The following KLHL24 variants were observed in gnomAD, a reference collection of about 807,000 sequenced individuals.
KLHL24 encodes kelch like family member 24, also known as kelch-like protein 24.
A neutral mutation model predicts 53.4 loss-of-function variants in KLHL24; 29 were observed. That is an observed-to-expected ratio of 0.54 (90% CI 0.40 to 0.74). The LOEUF is 0.74. Ranked by LOEUF, KLHL24 falls within the 30% of genes least tolerant of loss-of-function variation. The probability of loss-of-function intolerance (pLI) is 0.00; values close to 1 mark genes in which losing one functional copy is unlikely to be tolerated. For missense variants in KLHL24, 504 were observed against 744.0 expected (o/e 0.68, Z 3.75); for synonymous variants, 222 against 253.7 (o/e 0.88, Z 1.19).
chr3:183,673,241 A>G (rs979965098), intron 7 of KLHL24, among the ~76,000 whole-genome samples: 1 of 152,130 alleles, frequency 6.6e-6, no homozygotes, highest in Admixed American at 6.5e-5. Context: ...AAAATATTTC[A>G]TGTTTGCTTG....
chr3:183,665,011 G>A lies in KLHL24; in HGVS notation c.1196G>A (p.Arg399His), dbSNP rs754865611. The A allele has an allele frequency of 8.1e-6, 13 of 1,606,754 alleles. No homozygotes were observed. Among genetic ancestry groups the A allele is most frequent in the Admixed American group, 5.0e-5 (3 of 59,856 alleles). The change falls in exon 5 of 8, where the codon CGT becomes CAT. Residue 399 changes from arginine to histidine, a missense_variant. Coordinates refer to ENST00000242810, the MANE Select transcript of KLHL24 (RefSeq NM_017644.3). ...GCCTCTCTCAATAAAGGCAGATGGC[G>A]TCACAAAATGGCTGTCCTCCTTGGT... ...RVASLNKGRW[R>H]HKMAVLLGKV... is the part of the protein sequence containing the mutation.
chr3:183,639,368 C>CAT (rs1715924142), intron 1 of KLHL24, among the ~76,000 whole-genome samples: 1 of 152,172 alleles, frequency 6.6e-6, no homozygotes, highest in Non-Finnish European at 1.5e-5. Context: ...CGGTGGCTCA[C>CAT]GCCTGTAATC....
At chr3:183,677,032 G>A (rs956381318) in intron 7 of KLHL24, among the ~76,000 whole-genome samples, 1 of 151,696 alleles carries the variant, frequency 6.6e-6, no homozygotes, top group Non-Finnish European at 1.5e-5. Flanking sequence ...CCTGAATGAA[G>A]AGTAAGTTTT....
At chr3:183,649,095 T>A (rs1406063674) in intron 2 of KLHL24, among the ~76,000 whole-genome samples, 1 of 151,918 alleles carries the variant, frequency 6.6e-6, no homozygotes, top group African/African-American at 2.4e-5. Context: ...TCTGAGGGGG[T>A]TTTGGGATGT....
intron 5 of KLHL24, among the ~76,000 whole-genome samples, chr3:183,668,840 G>A (rs1430678841): frequency 1.3e-5 from 2 of 151,846 alleles, no homozygotes; most frequent in Non-Finnish European, 2.9e-5. Flanking sequence ...GAGAGGCAGA[G>A]GCTGCAGTGA....
chr3:183,667,223 T>C, intron 5 of KLHL24, among the ~76,000 whole-genome samples: 1 of 152,084 alleles, frequency 6.6e-6, no homozygotes, highest in East Asian at 1.9e-4. Flanking sequence ...ATCGAGACCA[T>C]CCTGGCCAAC....
intron 5 of KLHL24, among the ~76,000 whole-genome samples, chr3:183,666,812 A>G (rs891163820): frequency 6.6e-6 from 1 of 152,220 alleles, no homozygotes. Context: ...AGATGAAAAT[A>G]CAACAGTTGT....
chr3:183,650,537 G>A lies in KLHL24; in HGVS notation c.181G>A (p.Asp61Asn), dbSNP rs868623275. ...NILQIFNEFR[D>N]SRLFTDVIIC... is the part of the protein sequence containing the mutation. The stretch of plus-strand genomic sequence containing the variant: ...ACTCCAGATATTTAATGAATTTCGT[G>A]ATAGCCGCTTATTCACAGATGTTAT... Residue 61 changes from aspartate (D) to asparagine (N), a missense_variant, in exon 3 of 8, where the codon GAT (aspartate) becomes AAT (asparagine). Transcript: ENST00000242810. The surrounding 1 kb of genome is among the most constrained non-coding windows in gnomAD (Gnocchi z 4.5). 9 of 1,614,110 alleles carry A rather than the reference G, an allele frequency of 5.6e-6. No individual in the cohort carries two copies. The highest frequency in any genetic ancestry group is 1.7e-4 in the Middle Eastern group (1 of 6,060).
At chr3:183,657,662 T>C (rs907857532) in intron 3 of KLHL24, among the ~76,000 whole-genome samples, 1 of 152,240 alleles carries the variant, frequency 6.6e-6, no homozygotes, top group Non-Finnish European at 1.5e-5. Flanking sequence ...CAGCCAGGGC[T>C]AGAAGTTAGT....
rs145675649 is a variant in KLHL24, at chr3:183,651,072, G to A, written c.716G>A (p.Arg239His). ...VFEAVMRWVY[R>H]AVDLRRPLLH... ...GAAGCCGTCATGCGTTGGGTCTATCGTGCCGTTGATCTGAGAAGACCACTG... is the reference window on the plus strand; with the variant it reads ...GAAGCCGTCATGCGTTGGGTCTATCATGCCGTTGATCTGAGAAGACCACTG... Residue 239 changes from arginine (R) to histidine (H), a missense_variant, in exon 3 of 8, where the codon CGT (arginine) becomes CAT (histidine). By Grantham distance (29) the Arg-to-His change is conservative. Coordinates refer to ENST00000242810, the MANE Select transcript of KLHL24 (RefSeq NM_017644.3). 18 of 1,614,044 alleles carry A rather than the reference G, an allele frequency of 1.1e-5. No homozygotes were observed. Among genetic ancestry groups the A allele is most frequent in the African/African-American group, 6.7e-5 (5 of 74,898 alleles).
chr3:183,656,038 T>TTTTTTTG (rs1491425077), intron 3 of KLHL24, among the ~76,000 whole-genome samples: 1 of 98,402 alleles, frequency 1.0e-5, no homozygotes, highest in African/African-American at 4.7e-5. Flanking sequence ...CCTTAGCATC[T>TTTTTTTG]TTTTTTTTTT....
chr3:183,665,040 G>A lies in KLHL24; in HGVS notation c.1224+1G>A. 6.5e-7 allele frequency: 1 copy of A among 1,547,184 alleles called. No homozygotes were observed. Among genetic ancestry groups the A allele is most frequent in the Non-Finnish European group, 8.9e-7 (1 of 1,121,698 alleles). The stretch of plus-strand genomic sequence containing the variant: ...CAAAATGGCTGTCCTCCTTGGTAAA[G>A]TAAGAGAAACCACTTTTTATTACTA... On this transcript the variant is annotated splice_donor_variant, in intron 5 of 7. Coordinates refer to ENST00000242810, the MANE Select transcript of KLHL24 (RefSeq NM_017644.3). LOFTEE classifies it high-confidence loss of function.
intron 1 of KLHL24, among the ~76,000 whole-genome samples, chr3:183,640,638 C>T (rs1716266880): frequency 1.5e-5 from 2 of 136,098 alleles, no homozygotes; most frequent in South Asian, 2.3e-4. Context: ...CTTGCTCTGT[C>T]GCCCAGGCTG....
intron 2 of KLHL24, among the ~76,000 whole-genome samples, chr3:183,649,665 C>G (rs1717851890): frequency 6.6e-6 from 1 of 151,908 alleles, no homozygotes; most frequent in Admixed American, 6.6e-5. Flanking sequence ...CCTGTAATCC[C>G]AGTACTTTGA....
Position 183,672,297 on chromosome 3 carries a change from T to C in KLHL24, c.1415T>C (p.Val472Ala). 6.4e-7 allele frequency: 1 copy of C among 1,560,154 alleles called. No individual in the cohort carries two copies. The highest frequency in any genetic ancestry group is 8.7e-7 in the Non-Finnish European group (1 of 1,148,932). The change falls in exon 7 of 8, where the codon GTT (valine) becomes GCT (alanine). Residue 472 changes from valine (V) to alanine (A), a missense_variant and splice_region_variant. Physicochemically the swap from Val to Ala is moderately conservative, Grantham distance 64. Transcript: ENST00000242810. ...GPDDNTCSDK[V>A]QSYDPETNSW... ...TTATATATTTTTATATGTTATTAGGTTCAATCTTATGATCCAGAAACCAAT... is the reference window on the plus strand; with the variant it reads ...TTATATATTTTTATATGTTATTAGGCTCAATCTTATGATCCAGAAACCAAT...
intron 1 of KLHL24, among the ~76,000 whole-genome samples, chr3:183,639,465 C>A (rs1301958506): frequency 6.6e-6 from 1 of 150,954 alleles, no homozygotes; most frequent in Non-Finnish European, 1.5e-5. Flanking sequence ...CCCGTCTCTA[C>A]TAAAAATACA....
In KLHL24 at chr3:183,684,443, A is replaced by G. The variant is rs1712995735; in HGVS notation, c.*5157A>G. ...ACTTCTTGCATAGTTTAATTTTTTAAAAGTTGTATCTAATAAAATGTCTTT... is the reference window on the plus strand; with the variant it reads ...ACTTCTTGCATAGTTTAATTTTTTAGAAGTTGTATCTAATAAAATGTCTTT... On this transcript the variant is annotated 3_prime_UTR_variant, in exon 8 of 8. Transcript: ENST00000242810. 1 of 152,618 alleles carries G rather than the reference A, an allele frequency of 6.6e-6. No individual in the cohort carries two copies. Among genetic ancestry groups the G allele is most frequent in the Non-Finnish European group, 1.5e-5 (1 of 68,030 alleles). The allele number at this position is 152,618 out of a possible 1,614,324, so 9.5% of individuals were successfully genotyped here.
At chr3:183,647,335 G>C (rs1007033969) in intron 2 of KLHL24, among the ~76,000 whole-genome samples, 9 of 152,106 alleles carry the variant, frequency 5.9e-5, no homozygotes, top group African/African-American at 2.2e-4. Flanking sequence ...AGAATCGCTT[G>C]AACCTGGGAG....
chr3:183,666,490 G>A (rs1720584983), intron 5 of KLHL24, among the ~76,000 whole-genome samples: 1 of 152,160 alleles, frequency 6.6e-6, no homozygotes, highest in East Asian at 1.9e-4. Flanking sequence ...TTGAACTCCT[G>A]GGCTCAAATG....
Sources: gnomAD v4.1 joint callset for allele counts (sites outside exome capture counted in the v4.1 genomes callset) on GRCh38, gnomAD v4.1.1 for gene constraint, Gnocchi (gnomAD v3.1) non-coding constraint, MANE v1.5 for transcripts, NCBI Gene and HGNC (gene_info 2026-07-23, HGNC 2026-07-21) for gene names.